Variants in DPY19L4 observed in about 807,000 individuals in gnomAD.
The protein encoded by DPY19L4 is dpy-19 like 4.
DPY19L4 carries 97 observed loss-of-function variants against 102.8 expected under a neutral mutation model. The ratio of observed to expected loss-of-function variants is 0.94; its 90% CI spans 0.80 to 1.12. DPY19L4 has a LOEUF of 1.12. Among genes scored for constraint, DPY19L4 ranks in the 50% most tolerant of loss-of-function variants. DPY19L4 has a pLI of 0.00. For synonymous variants in DPY19L4, 252 were observed against 283.1 expected, an observed-to-expected ratio of 0.89 and a Z score of 1.10; for missense variants, 815 against 850.4, an observed-to-expected ratio of 0.96 and a Z score of 0.52.
chr8:94,777,352 C>T (rs933463040), intron 13 of DPY19L4, among the ~76,000 whole-genome samples: 3 of 152,208 alleles, frequency 2.0e-5, no homozygotes, highest in Non-Finnish European at 4.4e-5. Context: ...CAGGCATAAG[C>T]CACCACTCCC....
intron 9 of DPY19L4, 72 bp from the exon 10 acceptor site, chr8:94,765,639 C>A: frequency 8.4e-7 from 1 of 1,189,774 alleles, no homozygotes; most frequent in Non-Finnish European, 1.2e-6. Flanking sequence ...CTCGGCCATT[C>A]TTATGATTAC....
intron 2 of DPY19L4, among the ~76,000 whole-genome samples, chr8:94,731,679 A>G (rs1172089895): frequency 6.6e-6 from 1 of 152,096 alleles, no homozygotes; most frequent in Non-Finnish European, 1.5e-5. Flanking sequence ...GTCTCCCAAA[A>G]AGCTGGGATT....
At chr8:94,743,011 CTTTTA>C (rs1327861638) in intron 6 of DPY19L4, among the ~76,000 whole-genome samples, 1 of 151,448 alleles carries the variant, frequency 6.6e-6, no homozygotes, top group African/African-American at 2.4e-5. Flanking sequence ...CACCAAAAGT[CTTTTA>C]TTTTATTTTA....
intron 3 of DPY19L4, among the ~76,000 whole-genome samples, chr8:94,738,099 A>G (rs889775291): frequency 1.5e-4 from 23 of 151,656 alleles, no homozygotes; most frequent in Non-Finnish European, 2.5e-4. Context: ...TGGGTGGATC[A>G]TGAGGTCAGG....
chr8:94,739,716 A>G lies in DPY19L4; in HGVS notation c.537A>G (p.Leu179=), dbSNP rs981504943. ...TGCAAGGAATATATGTTACTGCTTT[A>G]TTTGTTACAAGTTGGCTTATGAGTG... ...FGLQGIYVTA[L]FVTSWLMSGT... Residue 179 remains leucine, a synonymous_variant, in exon 6 of 19, where the codon TTA becomes TTG. Transcript: ENST00000414645. 2.9e-5 allele frequency: 47 copies of G among 1,613,596 alleles called. No homozygotes were observed. The highest frequency in any genetic ancestry group is 3.8e-5 in the Non-Finnish European group (45 of 1,180,016).
In DPY19L4 at chr8:94,792,420, G is replaced by C. The variant is rs1813913481; in HGVS notation, c.*2510G>C. The C allele has an allele frequency of 1.3e-5, 2 of 151,674 alleles. No individual in the cohort carries two copies. Among genetic ancestry groups the C allele is most frequent in the East Asian group, 3.9e-4 (2 of 5,112 alleles). The allele number at this position is 151,674 out of a possible 1,614,324, so 9.4% of individuals were successfully genotyped here. A position where few individuals can be genotyped will look rare whatever the true frequency, so the allele number is the denominator to read the frequency against. ...CTGCCACCAAGCACGGCTAATTTTT[G>C]TATTTTTAGTAGAAACGGGGTTTCG... On this transcript the variant is annotated 3_prime_UTR_variant, in exon 19 of 19. Coordinates refer to ENST00000414645, the MANE Select transcript of DPY19L4 (RefSeq NM_181787.3).
At chr8:94,749,075 A>C (rs1188344074) in intron 6 of DPY19L4, among the ~76,000 whole-genome samples, 1 of 152,166 alleles carries the variant, frequency 6.6e-6, no homozygotes, top group African/African-American at 2.4e-5. Context: ...CCTCTTTATA[A>C]AACTATCAGA....
intron 6 of DPY19L4, among the ~76,000 whole-genome samples, chr8:94,745,999 C>A (rs1341663585): frequency 6.6e-6 from 1 of 151,796 alleles, no homozygotes; most frequent in African/African-American, 2.4e-5. Context: ...GGTGATCTGC[C>A]CACCTCAGCC....
intron 7 of DPY19L4, 49 bp from the exon 8 acceptor site, chr8:94,761,651 A>G (rs377151287): frequency 1.3e-6 from 2 of 1,487,510 alleles, no homozygotes; most frequent in Non-Finnish European, 1.8e-6. Flanking sequence ...ATAGGCTTTT[A>G]TTGTAATAAA....
chr8:94,722,203 C>T (rs1052630554), intron 1 of DPY19L4, among the ~76,000 whole-genome samples: 4 of 151,854 alleles, frequency 2.6e-5, no homozygotes, highest in South Asian at 2.1e-4. Flanking sequence ...GTCAGGAGTT[C>T]GAGACCAGCC....
chr8:94,768,456 T>G lies in DPY19L4; in HGVS notation c.1237T>G (p.Phe413Val), dbSNP rs746960975. The change falls in exon 12 of 19, where the codon TTT (phenylalanine) becomes GTT (valine). Residue 413 changes from phenylalanine to valine, a missense_variant. Coordinates refer to ENST00000414645, the MANE Select transcript of DPY19L4 (RefSeq NM_181787.3). ...ESLQAPSQDFFLRLTQSSLLP... is the reference protein window; with the variant it reads ...ESLQAPSQDFVLRLTQSSLLP... Reference sequence around the variant, plus strand: ...CCTGCAGGCACCATCTCAAGATTTTTTTCTGCGATTGACACAGTCTTCTTT... The same window carrying G: ...CCTGCAGGCACCATCTCAAGATTTTGTTCTGCGATTGACACAGTCTTCTTT... 6.2e-7 allele frequency: 1 copy of G among 1,609,338 alleles called. No homozygotes were observed. The highest frequency in any genetic ancestry group is 1.7e-5 in the Admixed American group (1 of 59,200).
chr8:94,768,334 T>C, intron 11 of DPY19L4, 61 bp from the exon 12 acceptor site: 1 of 1,356,556 alleles, frequency 7.4e-7, no homozygotes, highest in Non-Finnish European at 1.0e-6. Context: ...TTAAAAAAAA[T>C]ACTTCTGTGT....
chr8:94,789,793 A>AT lies in DPY19L4; in HGVS notation c.2059dup (p.Cys687LeufsTer3), dbSNP rs1183608212. ...AGCTAACCTACTCAAAATATGGGCG[A>AT]TTTTGTCATGAGGTCAAAATTAACT... On this transcript the variant is annotated frameshift_variant, in exon 19 of 19. Transcript: ENST00000414645. LOFTEE classifies it high-confidence loss of function. The AT allele has an allele frequency of 4.3e-6, 7 of 1,611,564 alleles. No individual in the cohort carries two copies. The highest frequency in any genetic ancestry group is 5.9e-6 in the Non-Finnish European group (7 of 1,178,938).
chr8:94,748,521 G>C (rs187365380), intron 6 of DPY19L4, among the ~76,000 whole-genome samples: 1 of 152,252 alleles, frequency 6.6e-6, no homozygotes, highest in Non-Finnish European at 1.5e-5. Flanking sequence ...CTTTAGAACA[G>C]GGATTCCCAA....
At chr8:94,744,691 C>G in intron 6 of DPY19L4, 1 of 386,798 alleles carries the variant, frequency 2.6e-6, no homozygotes, top group South Asian at 1.9e-5. Flanking sequence ...GAATAAGACT[C>G]TCTTATGCTA....
At chr8:94,720,351 C>A in intron 1 of DPY19L4, 2 of 821,220 alleles carry the variant, frequency 2.4e-6, no homozygotes, top group Non-Finnish European at 2.9e-6. Context: ...AGTTTGGTTT[C>A]GAAGATCAGG....
chr8:94,743,463 CCTCATCAT>C lies in DPY19L4; in HGVS notation c.611+3677_611+3684del, dbSNP rs1249030958. ...GACCGGTCTGGGCAACATAGTGAGA[CCTCATCAT>C]CTCTACTTAAAAAAAAAAAAAAAAT... On this transcript the variant is annotated intron_variant, in intron 6 of 18. Coordinates refer to ENST00000414645, the MANE Select transcript of DPY19L4 (RefSeq NM_181787.3). Among the ~76,000 whole-genome samples the C allele has an allele frequency of 1.1e-4, 17 of 150,626 alleles. 1 individual carries two copies. The East Asian group carries it at 3.3e-3, about 29-fold the overall frequency.
chr8:94,731,259 A>C (rs1453784757), intron 2 of DPY19L4, among the ~76,000 whole-genome samples: 2 of 152,054 alleles, frequency 1.3e-5, no homozygotes, highest in African/African-American at 4.8e-5. Context: ...TTTTCTTACT[A>C]GTTTTTATAG....
At chr8:94,739,881 A>G in intron 6 of DPY19L4, 91 bp downstream of exon 6, 1 of 1,451,662 alleles carries the variant, frequency 6.9e-7, no homozygotes, top group South Asian at 1.2e-5. Context: ...AACAGTCCTC[A>G]CTCTAATCCT....
Sources: allele counts gnomAD v4.1 joint callset (sites outside exome capture counted in the v4.1 genomes callset), GRCh38; gene constraint gnomAD v4.1.1; transcripts MANE v1.5; gene names NCBI Gene and HGNC (gene_info 2026-07-23, HGNC 2026-07-21).